VWA3B: variants seen among roughly 807,000 people sequenced by gnomAD.
VWA3B encodes von Willebrand factor A domain-containing protein 3B.
VWA3B carries 138 observed loss-of-function variants against 158.3 expected under a neutral mutation model. The ratio of observed to expected loss-of-function variants is 0.87; its 90% CI spans 0.76 to 1.00. The LOEUF (loss-of-function observed/expected upper bound fraction) is 1.00, where lower values mean the gene tolerates loss of function less well. Among genes scored for constraint, VWA3B ranks in the 50% least tolerant of loss-of-function variants. The pLI is 0.00. For synonymous variants in VWA3B, 596 were observed against 587.3 expected, an observed-to-expected ratio of 1.01 and a Z score of -0.21; for missense variants, 1,555 against 1,565.1, an observed-to-expected ratio of 0.99 and a Z score of 0.11.
chr2:98,165,955 G>A (rs558438552), intron 8 of VWA3B, among the ~76,000 whole-genome samples: 34 of 152,296 alleles, frequency 2.2e-4, no homozygotes, highest in Admixed American at 1.3e-3. Context: ...CATTTGTTTC[G>A]GGGAGTGTGT....
chr2:98,286,890 C>T (rs1689193258), intron 22 of VWA3B, among the ~76,000 whole-genome samples: 2 of 152,056 alleles, frequency 1.3e-5, no homozygotes, highest in African/African-American at 4.8e-5. Flanking sequence ...ATACCCAGCT[C>T]AGTGGCTTCT....
intron 3 of VWA3B, 142 bp downstream of exon 3, chr2:98,115,888 G>A (rs1018619176): frequency 3.3e-6 from 2 of 598,150 alleles, no homozygotes; most frequent in Admixed American, 5.9e-5. Flanking sequence ...TTTTCTTTTG[G>A]CATTGATAGG....
chr2:98,271,019 A>T, intron 22 of VWA3B, 136 bp downstream of exon 22: 1 of 824,286 alleles, frequency 1.2e-6, no homozygotes, highest in Non-Finnish European at 1.9e-6. Context: ...CAATCCAGTT[A>T]AGGTCTCAGT....
rs755309211 is a variant in VWA3B, at chr2:98,256,209, T to TC, written c.2843+35_2843+36insC. 1.3e-5 allele frequency: 21 copies of TC among 1,604,640 alleles called. No homozygotes were observed. In the South Asian group the frequency reaches 2.1e-4, roughly 16 times the overall value. On this transcript the variant is annotated intron_variant, in intron 21 of 27. Transcript: ENST00000477737. The stretch of plus-strand genomic sequence containing the variant: ...TCCATTCCCTCCTCACTTTTTTTTT[T>TC]TGGTGAAATTCACGTAACCTAAAAT...
At chr2:98,228,603 G>A (rs576009272) in intron 15 of VWA3B, among the ~76,000 whole-genome samples, 3 of 152,240 alleles carry the variant, frequency 2.0e-5, no homozygotes, top group South Asian at 2.1e-4. Context: ...ATGAGAGGGC[G>A]GAGAGGAGCA....
chr2:98,235,028 T>C (rs1032339903), intron 17 of VWA3B, among the ~76,000 whole-genome samples: 1 of 152,154 alleles, frequency 6.6e-6, no homozygotes, highest in Non-Finnish European at 1.5e-5. Context: ...TGCCCCTCCA[T>C]GGTTTGATTT....
Position 98,230,126 on chromosome 2 carries a change from C to T in VWA3B, c.2227C>T (p.Gln743Ter), listed in dbSNP as rs199690271. ...GCCTCAATCTGATGTCGATTCAACA[C>T]AAACTTCATCTCTGAATATGTTGAA... ...AKPQSDVDSTQTSSLNMLKGP... is the reference protein window; with the variant it reads ...AKPQSDVDST Residue 743 changes from glutamine (Q) to a stop codon, truncating the protein, a stop_gained, in exon 16 of 28, where the codon CAA (glutamine) becomes TAA (stop). Transcript: ENST00000477737. LOFTEE classifies it high-confidence loss of function. 1.2e-6 allele frequency: 2 copies of T among 1,611,814 alleles called. No homozygotes were observed. The highest frequency in any genetic ancestry group is 2.7e-5 in the African/African-American group (2 of 74,924).
chr2:98,280,839 C>G (rs980733431), intron 22 of VWA3B, among the ~76,000 whole-genome samples: 1 of 152,206 alleles, frequency 6.6e-6, no homozygotes, highest in South Asian at 2.1e-4. Context: ...AAGCCTTGGC[C>G]GGCCAGGCAG....
At chr2:98,168,376 T>TACACACACACACAC (rs148619678) in intron 8 of VWA3B, among the ~76,000 whole-genome samples, 1 of 145,588 alleles carries the variant, frequency 6.9e-6, no homozygotes, top group Non-Finnish European at 1.5e-5. Flanking sequence ...TACACACACA[T>TACACACACACACAC]ACACACACAC....
chr2:98,191,997 A>G lies in VWA3B; in HGVS notation c.1467-901A>G, dbSNP rs72948945. Among the ~76,000 whole-genome samples the G allele has an allele frequency of 8.3e-3, 1,267 of 152,324 alleles. 18 individuals carry two copies. Among genetic ancestry groups the G allele is most frequent in the African/African-American group, 0.029 (1,191 of 41,566 alleles). ...TATATCCTGTGATGGGAACCTGATC[A>G]TGGACCACAGACGCAGTCCTTCTCA... On this transcript the variant is annotated intron_variant, in intron 10 of 27. Transcript: ENST00000477737.
chr2:98,298,053 C>A, intron 24 of VWA3B, 22 bp downstream of exon 24: 1 of 1,475,190 alleles, frequency 6.8e-7, no homozygotes, highest in South Asian at 1.4e-5. Context: ...CTGATGTGTT[C>A]TGGGGCCCCT....
intron 26 of VWA3B, among the ~76,000 whole-genome samples, chr2:98,307,946 G>T (rs574157528): frequency 6.6e-6 from 1 of 152,106 alleles, no homozygotes; most frequent in Non-Finnish European, 1.5e-5. Flanking sequence ...CTTTCCTCCA[G>T]GTCTCTCTTC....
chr2:98,207,316 G>T (rs971154757), intron 12 of VWA3B: 5 of 487,862 alleles, frequency 1.0e-5, no homozygotes, highest in Non-Finnish European at 2.1e-5. Context: ...CACTGAGCTG[G>T]GCATCTATCT....
intron 12 of VWA3B, among the ~76,000 whole-genome samples, chr2:98,203,904 A>G (rs1192303883): frequency 1.3e-5 from 2 of 152,240 alleles, no homozygotes; most frequent in Admixed American, 1.3e-4. Context: ...GGAAAAATAA[A>G]TGGTAAAAAT....
intron 16 of VWA3B, among the ~76,000 whole-genome samples, chr2:98,231,549 C>CA (rs1422356152): frequency 6.6e-6 from 1 of 151,908 alleles, no homozygotes; most frequent in Non-Finnish European, 1.5e-5. Context: ...TATCTACAGT[C>CA]AAAAAAGGAA....
intron 12 of VWA3B, among the ~76,000 whole-genome samples, chr2:98,207,894 C>T (rs1003026737): frequency 2.6e-5 from 4 of 151,932 alleles, no homozygotes; most frequent in African/African-American, 7.3e-5. Flanking sequence ...GTACACCCCT[C>T]AGAAAAAAAA....
At chr2:98,128,951 G>T (rs1400260308) in intron 6 of VWA3B, among the ~76,000 whole-genome samples, 1 of 152,264 alleles carries the variant, frequency 6.6e-6, no homozygotes, top group East Asian at 1.9e-4. Flanking sequence ...CTGAGCCGGT[G>T]CTTCCCTGTG....
At chr2:98,218,221 G>A (rs2105604546) in intron 14 of VWA3B, among the ~76,000 whole-genome samples, 193 bp downstream of exon 14, 1 of 152,316 alleles carries the variant, frequency 6.6e-6, no homozygotes, top group Non-Finnish European at 1.5e-5. Flanking sequence ...TAGGGCACCT[G>A]AGCAGATTCC....
At chr2:98,161,983 A>G (rs1678628555) in intron 7 of VWA3B, among the ~76,000 whole-genome samples, 1 of 152,172 alleles carries the variant, frequency 6.6e-6, no homozygotes, top group African/African-American at 2.4e-5. Flanking sequence ...TTACAGGATT[A>G]CAGGCGTATG....
Sources: gnomAD v4.1 joint callset for allele counts (sites outside exome capture counted in the v4.1 genomes callset) on GRCh38, gnomAD v4.1.1 for gene constraint, MANE v1.5 for transcripts, NCBI Gene and HGNC (gene_info 2026-07-23, HGNC 2026-07-21) for gene names.